The following RNF145 variants were observed in gnomAD, a reference collection of about 807,000 sequenced individuals.
RNF145 encodes the protein ring finger protein 145.
Under a neutral mutation model 57.3 loss-of-function variants are expected in RNF145, and 12 were observed. That is an observed-to-expected ratio of 0.21 (90% CI 0.13 to 0.34). The LOEUF (loss-of-function observed/expected upper bound fraction) is 0.34. Among genes scored for constraint, RNF145 ranks in the 10% least tolerant of loss-of-function variants. The pLI, the probability that RNF145 is intolerant of heterozygous loss-of-function variation, is 1.00. For synonymous variants in RNF145, 262 were observed against 288.3 expected, an observed-to-expected ratio of 0.91 and a Z score of 0.92; for missense variants, 429 against 799.0, an observed-to-expected ratio of 0.54 and a Z score of 5.58.
chr5:159,196,597 T>C (rs55786653), intron 2 of RNF145, among the ~76,000 whole-genome samples: 1 of 152,306 alleles, frequency 6.6e-6, no homozygotes, highest in African/African-American at 2.4e-5. Flanking sequence ...ATGAGCATGC[T>C]TGGGACTAAA....
At chr5:159,178,236 T>C (rs2113144277) in intron 4 of RNF145, among the ~76,000 whole-genome samples, 1 of 152,104 alleles carries the variant, frequency 6.6e-6, no homozygotes, top group African/African-American at 2.4e-5. Flanking sequence ...TATTGTGGAA[T>C]AAGAAAATAA....
At position 159,163,075 on chromosome 5, in the gene RNF145, A is replaced by G. The variant is rs1784282025; in HGVS notation, c.1126T>C (p.Leu376=). The change falls in exon 9 of 11, where the codon TTG becomes CTG. Residue 376 remains leucine, a synonymous_variant. Transcript: ENST00000424310. ...CTTACAGCACGGAAGTGTTTCCACA[A>G]GCTCCTGGAGAAAGACAAAATTATT... ...LALGASRDKS[L]WKHFRAVSLC... The G allele has an allele frequency of 6.3e-7, 1 of 1,590,678 alleles. No individual in the cohort carries two copies. The highest frequency in any genetic ancestry group is 8.5e-7 in the Non-Finnish European group (1 of 1,174,124).
chr5:159,168,810 A>G (rs1482910889), intron 8 of RNF145, 63 bp downstream of exon 8: 1 of 1,056,676 alleles, frequency 9.5e-7, no homozygotes, highest in Non-Finnish European at 1.3e-6. Flanking sequence ...AAATATTTAG[A>G]CAACAAATGC....
chr5:159,203,699 A>C (rs1382469380), intron 1 of RNF145, 43 bp from the exon 2 acceptor site: 2 of 1,385,672 alleles, frequency 1.4e-6, no homozygotes, highest in Non-Finnish European at 2.0e-6. Context: ...AAAAGTCAAC[A>C]CAAATCGCTT....
upstream of RNF145, chr5:159,209,619 C>T (rs1301799550): frequency 3.8e-6 from 4 of 1,044,532 alleles, no homozygotes; most frequent in African/African-American, 1.7e-5. Flanking sequence ...GCGCGCCCCT[C>T]CCGCGCGCGC....
intron 1 of RNF145, among the ~76,000 whole-genome samples, chr5:159,204,827 A>AAAAAAG (rs147292059): frequency 2.8e-5 from 3 of 105,666 alleles, no homozygotes; most frequent in African/African-American, 4.0e-5. Flanking sequence ...AAAAAAAAAA[A>AAAAAAG]GCAAACAAAA....
rs757228346 is a variant in RNF145, at chr5:159,193,703, T to A, written c.293+1013A>T. Among the ~76,000 whole-genome samples the A allele has an allele frequency of 5.7e-4, 87 of 152,210 alleles. 2 individuals carry two copies. The highest frequency in any genetic ancestry group is 1.3e-4 in the Non-Finnish European group (9 of 68,030). On this transcript the variant is annotated intron_variant, in intron 3 of 10. Coordinates refer to ENST00000424310, the MANE Select transcript of RNF145 (RefSeq NM_001199383.2). ...AAATTGTCCATAGTGAGCACCATAA[T>A]TTTATAATCAGAAAAAGTTAATGTT...
chr5:159,191,644 T>A (rs1484567643), intron 3 of RNF145, among the ~76,000 whole-genome samples: 1 of 151,888 alleles, frequency 6.6e-6, no homozygotes, highest in East Asian at 1.9e-4. Context: ...TACAAAAAAT[T>A]AGCTGGGCAT....
intron 8 of RNF145, among the ~76,000 whole-genome samples, chr5:159,168,156 T>C (rs1270570082): frequency 6.6e-6 from 1 of 152,162 alleles, no homozygotes; most frequent in Non-Finnish European, 1.5e-5. Flanking sequence ...CTCACAAAAA[T>C]TTCTGGATAC....
At chr5:159,182,144 C>A in intron 3 of RNF145, 93 bp from the exon 4 acceptor site, 1 of 677,362 alleles carries the variant, frequency 1.5e-6, no homozygotes, top group Non-Finnish European at 2.5e-6. Flanking sequence ...TAATGATACC[C>A]CTTTCCATAT....
chr5:159,203,641 T>C lies in RNF145; in HGVS notation c.-24A>G. 3.8e-6 allele frequency: 6 copies of C among 1,592,700 alleles called. No homozygotes were observed. The highest frequency in any genetic ancestry group is 5.1e-6 in the Non-Finnish European group (6 of 1,174,296). On this transcript the variant is annotated 5_prime_UTR_variant, in exon 2 of 11. Coordinates refer to ENST00000424310, the MANE Select transcript of RNF145 (RefSeq NM_001199383.2). ...ATGTTGTTTTTTTTTTTCTTTTTTT[T>C]TTTCTTGGAGAAGACCTAAAATTCA...
intron 3 of RNF145, among the ~76,000 whole-genome samples, chr5:159,188,397 A>AC (rs1320818862): frequency 1.3e-5 from 2 of 151,932 alleles, no homozygotes; most frequent in Admixed American, 1.3e-4. Flanking sequence ...CTGTCTCAAA[A>AC]AAAAAAAAAA....
intron 1 of RNF145, chr5:159,207,702 A>C: frequency 6.2e-7 from 1 of 1,613,132 alleles, no homozygotes; most frequent in Non-Finnish European, 8.5e-7. Flanking sequence ...ACATGTTTTA[A>C]ATATAGCTGG....
intron 1 of RNF145, chr5:159,208,148 C>CA: frequency 1.4e-6 from 2 of 1,419,446 alleles, no homozygotes; most frequent in Non-Finnish European, 1.8e-6. Context: ...CTGCAGATCT[C>CA]AGATGCGTTT....
At chr5:159,166,031 A>C (rs989398489) in intron 8 of RNF145, among the ~76,000 whole-genome samples, 2 of 152,128 alleles carry the variant, frequency 1.3e-5, no homozygotes, top group Non-Finnish European at 2.9e-5. Context: ...ACCACTTTAC[A>C]CTCTCATCAG....
At chr5:159,174,272 T>A in intron 5 of RNF145, 114 bp from the exon 6 acceptor site, 1 of 693,666 alleles carries the variant, frequency 1.4e-6, no homozygotes, top group Non-Finnish European at 2.4e-6. Context: ...ATTGCAAGAC[T>A]GTTTCAGCTA....
intron 4 of RNF145, among the ~76,000 whole-genome samples, chr5:159,179,304 T>G (rs1270054811): frequency 6.6e-6 from 1 of 152,106 alleles, no homozygotes; most frequent in Non-Finnish European, 1.5e-5. Context: ...AAGAATAAGT[T>G]GTTTGTCTTC....
At chr5:159,193,889 T>C (rs375985905) in intron 3 of RNF145, among the ~76,000 whole-genome samples, 196 of 152,262 alleles carry the variant, frequency 1.3e-3, no homozygotes, top group African/African-American at 4.4e-3. Context: ...GGTAAATGCC[T>C]TTCTATCAAA....
chr5:159,203,405 A>T (rs754983610), intron 2 of RNF145, 29 bp downstream of exon 2: 1 of 1,451,156 alleles, frequency 6.9e-7, no homozygotes, highest in East Asian at 2.3e-5. Flanking sequence ...GCTCACTAGA[A>T]GATTAGAAAA....
Sources: allele counts gnomAD v4.1 joint callset (sites outside exome capture counted in the v4.1 genomes callset), GRCh38; gene constraint gnomAD v4.1.1; transcripts MANE v1.5; gene names NCBI Gene and HGNC (gene_info 2026-07-23, HGNC 2026-07-21).